The following TRPM3 variants were observed in gnomAD, a reference collection of about 807,000 sequenced individuals.
The protein encoded by TRPM3 is long transient receptor potential channel 3.
Under a neutral mutation model 181.2 loss-of-function variants are expected in TRPM3, and 77 were observed. That is an observed-to-expected ratio of 0.42 (90% CI 0.35 to 0.51). The LOEUF (loss-of-function observed/expected upper bound fraction) is 0.51. Among genes scored for constraint, TRPM3 ranks in the 20% least tolerant of loss-of-function variants. The pLI, the probability that TRPM3 is intolerant of heterozygous loss-of-function variation, is 0.01. For missense variants in TRPM3, 1,759 were observed against 2,196.7 expected (o/e 0.80, Z 3.98); for synonymous variants, 745 against 796.4 (o/e 0.94, Z 1.09).
chr9:71,216,933 C>CTTTCT (rs2079906031), intron 1 of TRPM3, among the ~76,000 whole-genome samples: 3 of 128,790 alleles, frequency 2.3e-5, no homozygotes, highest in Non-Finnish European at 4.7e-5. Flanking sequence ...GTCAGTGGCC[C>CTTTCT]TTTCTTTTTT....
chr9:70,856,868 G>A (rs932605219), intron 3 of TRPM3, among the ~76,000 whole-genome samples: 1 of 152,044 alleles, frequency 6.6e-6, no homozygotes, highest in African/African-American at 2.4e-5. Flanking sequence ...TTATTTACCT[G>A]GCCCACAAGT....
chr9:71,419,727 T>C (rs142835252), intron 1 of TRPM3, among the ~76,000 whole-genome samples: 6 of 152,024 alleles, frequency 3.9e-5, no homozygotes, highest in African/African-American at 1.2e-4. Flanking sequence ...TTAAATCTTA[T>C]GTTATGCACA....
intron 1 of TRPM3, among the ~76,000 whole-genome samples, chr9:70,940,222 A>G (rs532021319): frequency 2.6e-4 from 39 of 152,310 alleles, no homozygotes; most frequent in African/African-American, 9.4e-4. Flanking sequence ...TAGATAGTTA[A>G]TATCTCCAAT....
chr9:71,087,836 T>C lies in TRPM3; in HGVS notation c.177+33342A>G, dbSNP rs190908691. Among the ~76,000 whole-genome samples the C allele has an allele frequency of 6.2e-4, 95 of 152,196 alleles. 1 individual carries two copies. The highest frequency in any genetic ancestry group is 1.2e-4 in the Non-Finnish European group (8 of 67,976). ...ACTTCAGCAAGAATACATGGTATAA[T>C]TGTACTTTGAAAATTATAATCTGCA... On this transcript the variant is annotated intron_variant, in intron 1 of 25. Transcript: ENST00000677713.
chr9:70,648,723 A>G (rs1016318483), intron 9 of TRPM3, among the ~76,000 whole-genome samples: 1 of 152,264 alleles, frequency 6.6e-6, no homozygotes, highest in East Asian at 1.9e-4. Context: ...TGACAAAGTC[A>G]ACACTAACAA....
chr9:71,409,057 C>G (rs1209119696), intron 1 of TRPM3, among the ~76,000 whole-genome samples: 1 of 151,994 alleles, frequency 6.6e-6, no homozygotes, highest in Non-Finnish European at 1.5e-5. Context: ...CAAAAAAATG[C>G]TGAGCGATTT....
At chr9:71,433,033 G>A (rs567707367) in intron 1 of TRPM3, among the ~76,000 whole-genome samples, 9 of 152,278 alleles carry the variant, frequency 5.9e-5, no homozygotes, top group South Asian at 2.1e-4. Flanking sequence ...AGGGAAAAGC[G>A]TCTAAGAGTG....
rs567040302 is a variant in TRPM3, at chr9:71,162,031, G to A, written c.183+284622C>T. On this transcript the variant is annotated intron_variant, in intron 1 of 24. Coordinates refer to the TRPM3 transcript ENST00000357533. ...AGCCTGGCCAACATGGTGAAACCCC[G>A]TCTCTACTAAAATAAAAAATTAGCC... Among the ~76,000 whole-genome samples, 48 of 151,566 alleles carry A rather than the reference G, an allele frequency of 3.2e-4. No individual in the cohort carries two copies. In the South Asian group the frequency reaches 7.9e-3, roughly 25 times the overall value.
rs1589194658 is a variant in TRPM3 at position 70,847,984 on chromosome 9, A to C, written c.463-1393T>G. 2.0e-5 allele frequency among the ~76,000 whole-genome samples: 3 copies of C among 152,326 alleles called. No individual in the cohort carries two copies. The East Asian group carries it at 5.8e-4, about 29-fold the overall frequency. On this transcript the variant is annotated intron_variant, in intron 3 of 25. Coordinates refer to ENST00000677713, the MANE Select transcript of TRPM3 (RefSeq NM_001366145.2). Reference sequence around the variant, plus strand: ...TAAGTATTTCATAGTAAAACCATAAAATAAATTATACAGGAAATAAGGCAG... The same window carrying C: ...TAAGTATTTCATAGTAAAACCATAACATAAATTATACAGGAAATAAGGCAG...
intron 1 of TRPM3, among the ~76,000 whole-genome samples, chr9:71,340,101 G>A (rs1247474411): frequency 6.6e-6 from 1 of 152,066 alleles, no homozygotes; most frequent in Non-Finnish European, 1.5e-5. Context: ...GTTTTTCCTG[G>A]GGCATGGTTT....
At chr9:71,188,131 T>G (rs1015678623) in intron 1 of TRPM3, among the ~76,000 whole-genome samples, 1 of 151,886 alleles carries the variant, frequency 6.6e-6, no homozygotes, top group African/African-American at 2.4e-5. Flanking sequence ...TACAATACAC[T>G]TCTGGAAGGA....
chr9:71,235,315 C>A (rs1015244366), intron 1 of TRPM3, among the ~76,000 whole-genome samples: 1 of 152,206 alleles, frequency 6.6e-6, no homozygotes, highest in Middle Eastern at 3.2e-3. Context: ...GAAGTTTACC[C>A]TGATTTGTCA....
intron 1 of TRPM3, among the ~76,000 whole-genome samples, chr9:71,103,928 T>A (rs1008966983): frequency 6.6e-6 from 1 of 152,122 alleles, no homozygotes; most frequent in East Asian, 1.9e-4. Context: ...CCTTTTTTTT[T>A]TTTTGAGACA....
intron 5 of TRPM3, among the ~76,000 whole-genome samples, chr9:70,836,315 C>A (rs1018210273): frequency 1.3e-5 from 2 of 152,118 alleles, no homozygotes; most frequent in African/African-American, 2.4e-5. Flanking sequence ...CCAGTCTCCC[C>A]CCATCTTAAA....
At chr9:70,630,817 T>G (rs1209858417) in intron 12 of TRPM3, among the ~76,000 whole-genome samples, 1 of 152,218 alleles carries the variant, frequency 6.6e-6, no homozygotes, top group East Asian at 1.9e-4. Context: ...GTTGTCTTCT[T>G]TTTTCATGCT....
At chr9:70,891,896 T>C (rs772809545) in intron 1 of TRPM3, among the ~76,000 whole-genome samples, 12 of 152,176 alleles carry the variant, frequency 7.9e-5, no homozygotes, top group Non-Finnish European at 1.8e-4. Context: ...AGACCCAAAC[T>C]TAAGCCTTTC....
intron 1 of TRPM3, among the ~76,000 whole-genome samples, chr9:71,144,216 T>G (rs999979936): frequency 1.1e-4 from 16 of 152,308 alleles, no homozygotes; most frequent in African/African-American, 3.6e-4. Flanking sequence ...AACTTATTAC[T>G]CTGGTTTGAC....
chr9:71,385,986 C>T (rs920071392), intron 1 of TRPM3, among the ~76,000 whole-genome samples: 3 of 151,558 alleles, frequency 2.0e-5, no homozygotes, highest in Non-Finnish European at 2.9e-5. Flanking sequence ...GGATTACAGG[C>T]GTGAGCCACC....
intron 1 of TRPM3, among the ~76,000 whole-genome samples, chr9:71,209,897 G>T (rs2079376980): frequency 6.6e-6 from 1 of 152,200 alleles, no homozygotes; most frequent in Non-Finnish European, 1.5e-5. Context: ...AGACCTTGTA[G>T]CAGAGACCAT....
Sources: allele counts gnomAD v4.1 joint callset (sites outside exome capture counted in the v4.1 genomes callset), GRCh38; gene constraint gnomAD v4.1.1; transcripts MANE v1.5; gene names NCBI Gene and HGNC (gene_info 2026-07-23, HGNC 2026-07-21).